The following CAMK1D variants were observed in gnomAD, a reference collection of about 807,000 sequenced individuals.
CAMK1D encodes the protein calcium/calmodulin dependent protein kinase ID.
CAMK1D carries 9 observed loss-of-function variants against 47.7 expected under a neutral mutation model. That is an observed-to-expected ratio of 0.19 (90% CI 0.11 to 0.33). The LOEUF is 0.33. CAMK1D is among the 10% of genes least tolerant of loss of function. The probability of loss-of-function intolerance (pLI) is 1.00; values close to 1 mark genes in which losing one functional copy is unlikely to be tolerated. For missense variants in CAMK1D, 291 were observed against 488.7 expected (o/e 0.60, Z 3.81); for synonymous variants, 184 against 184.9 (o/e 0.99, Z 0.04).
chr10:12,624,211 CGTGTGTGT>C (rs771627230), intron 2 of CAMK1D, among the ~76,000 whole-genome samples: 1 of 151,012 alleles, frequency 6.6e-6, no homozygotes. Flanking sequence ...AGAGTGTGTG[CGTGTGTGT>C]GTGTGTGTAA....
intron 1 of CAMK1D, among the ~76,000 whole-genome samples, chr10:12,433,287 C>T (rs1295571725): frequency 2.0e-5 from 3 of 152,124 alleles, no homozygotes; most frequent in Non-Finnish European, 2.9e-5. Flanking sequence ...CTCATCCTAC[C>T]AGCTGCCCTC....
At chr10:12,475,917 GA>G (rs903990274) in intron 1 of CAMK1D, among the ~76,000 whole-genome samples, 2 of 152,088 alleles carry the variant, frequency 1.3e-5, no homozygotes, top group Non-Finnish European at 2.9e-5. Flanking sequence ...GAGGGGTGGG[GA>G]AAGTGGTGAT....
At chr10:12,374,815 C>G (rs1257857202) in intron 1 of CAMK1D, among the ~76,000 whole-genome samples, 1 of 151,540 alleles carries the variant, frequency 6.6e-6, no homozygotes, top group Admixed American at 6.6e-5. Context: ...TGGTGGTGGG[C>G]GCTTGTAATC....
intron 3 of CAMK1D, among the ~76,000 whole-genome samples, chr10:12,701,749 C>A (rs979585429): frequency 2.0e-5 from 3 of 152,174 alleles, no homozygotes; most frequent in Admixed American, 2.0e-4. Flanking sequence ...GAAAGGAAAT[C>A]TATGGTTCTT....
chr10:12,362,664 A>ATTTTTATTTTTTATTT (rs1837708274), intron 1 of CAMK1D, among the ~76,000 whole-genome samples: 1 of 151,954 alleles, frequency 6.6e-6, no homozygotes, highest in Non-Finnish European at 1.5e-5. Flanking sequence ...TGCCTGGCTA[A>ATTTTTATTTTTTATTT]TTTTTATTTT....
chr10:12,801,319 A>G (rs1448739989), intron 6 of CAMK1D, among the ~76,000 whole-genome samples: 2 of 111,448 alleles, frequency 1.8e-5, no homozygotes, highest in African/African-American at 8.2e-5. Context: ...CTATCTATCT[A>G]TCTATCTATC....
At chr10:12,391,287 C>T (rs1165693618) in intron 1 of CAMK1D, among the ~76,000 whole-genome samples, 2 of 152,118 alleles carry the variant, frequency 1.3e-5, no homozygotes, top group Non-Finnish European at 2.9e-5. Flanking sequence ...AAATTGGAAT[C>T]ACTATGTAAA....
chr10:12,751,844 T>C (rs1836001360), intron 3 of CAMK1D, among the ~76,000 whole-genome samples: 1 of 152,186 alleles, frequency 6.6e-6, no homozygotes, highest in African/African-American at 2.4e-5. Flanking sequence ...TCAGGGCTGC[T>C]GATAGAAAGT....
At chr10:12,614,455 T>C (rs551859917) in intron 2 of CAMK1D, among the ~76,000 whole-genome samples, 1 of 152,362 alleles carries the variant, frequency 6.6e-6, no homozygotes, top group African/African-American at 2.4e-5. Context: ...ATATTTTGCA[T>C]GTGTTCCGCA....
At chr10:12,790,072 C>G (rs1837911301) in intron 5 of CAMK1D, among the ~76,000 whole-genome samples, 1 of 152,164 alleles carries the variant, frequency 6.6e-6, no homozygotes, top group Admixed American at 6.5e-5. Flanking sequence ...TAGAACAAGC[C>G]CCAAGGCCAG....
chr10:12,816,029 C>T (rs944290093), intron 7 of CAMK1D, among the ~76,000 whole-genome samples: 2 of 152,182 alleles, frequency 1.3e-5, no homozygotes, highest in African/African-American at 4.8e-5. Context: ...GTCAGGGTCC[C>T]AGGCCACCTC....
intron 3 of CAMK1D, among the ~76,000 whole-genome samples, chr10:12,715,700 G>A (rs1008581506): frequency 6.7e-6 from 1 of 150,352 alleles, no homozygotes; most frequent in Non-Finnish European, 1.5e-5. Context: ...GATCTCGGGG[G>A]GAGAAGTGTG....
intron 6 of CAMK1D, among the ~76,000 whole-genome samples, chr10:12,804,756 A>C (rs1177049999): frequency 6.9e-6 from 1 of 145,498 alleles, no homozygotes; most frequent in Non-Finnish European, 1.5e-5. Context: ...CAACACAGCA[A>C]GACCCTGTCT....
At chr10:12,496,432 G>C (rs1265099384) in intron 1 of CAMK1D, among the ~76,000 whole-genome samples, 1 of 152,100 alleles carries the variant, frequency 6.6e-6, no homozygotes, top group Admixed American at 6.5e-5. Flanking sequence ...ATGATTGCAT[G>C]GTCCTAAATG....
At chr10:12,608,959 G>A (rs1019870139) in intron 2 of CAMK1D, among the ~76,000 whole-genome samples, 11 of 152,242 alleles carry the variant, frequency 7.2e-5, no homozygotes, top group African/African-American at 2.7e-4. Flanking sequence ...CTCTTGGAAT[G>A]GTGCCGGGCA....
intron 3 of CAMK1D, among the ~76,000 whole-genome samples, chr10:12,746,363 CA>C (rs542434085): frequency 0.044 from 3,858 of 86,768 alleles, 251 homozygotes; most frequent in Middle Eastern, 0.14. Flanking sequence ...GACTCCGTCT[CA>C]AAAAAAAAAA....
intron 1 of CAMK1D, among the ~76,000 whole-genome samples, chr10:12,445,717 C>A (rs150480880): frequency 6.6e-6 from 1 of 152,184 alleles, no homozygotes; most frequent in African/African-American, 2.4e-5. Context: ...AAGTCATAAA[C>A]CATGTCCTGA....
chr10:12,595,783 G>T (rs1337463611), intron 2 of CAMK1D, among the ~76,000 whole-genome samples: 3 of 152,222 alleles, frequency 2.0e-5, no homozygotes, highest in African/African-American at 7.2e-5. Flanking sequence ...TCAATAAAGA[G>T]ACCACAGAAG....
intron 1 of CAMK1D, among the ~76,000 whole-genome samples, chr10:12,520,426 A>G (rs1835371287): frequency 2.7e-5 from 2 of 73,000 alleles, no homozygotes; most frequent in African/African-American, 5.5e-5. Flanking sequence ...CTGGGCAGAG[A>G]CGCTCCTCAC....
Sources: allele counts gnomAD v4.1 joint callset (sites outside exome capture counted in the v4.1 genomes callset), GRCh38; gene constraint gnomAD v4.1.1; transcripts MANE v1.5; gene names NCBI Gene and HGNC (gene_info 2026-07-23, HGNC 2026-07-21).